The following CACNA1I variants were observed in gnomAD, a reference collection of about 807,000 sequenced individuals.
The protein encoded by CACNA1I is calcium voltage-gated channel subunit alpha1 I, also known as voltage-dependent T-type calcium channel subunit alpha-1I.
CACNA1I carries 74 observed loss-of-function variants against 201.6 expected under a neutral mutation model. The ratio of observed to expected loss-of-function variants is 0.37; its 90% CI spans 0.30 to 0.45. The LOEUF is 0.45. CACNA1I is among the 20% of genes least tolerant of loss of function. The pLI, the probability that CACNA1I is intolerant of heterozygous loss-of-function variation, is 1.00. For synonymous variants in CACNA1I, 1,431 were observed against 1,345.2 expected (o/e 1.06, Z -1.40); for missense variants, 2,346 against 3,138.1 (o/e 0.75, Z 6.03).
intron 26 of CACNA1I, 68 bp downstream of exon 26, chr22:39,671,022 C>T: frequency 6.7e-7 from 1 of 1,490,140 alleles, no homozygotes; most frequent in Admixed American, 1.8e-5. Context: ...GGACCCCACC[C>T]CAGGGATAGG....
intron 4 of CACNA1I, among the ~76,000 whole-genome samples, chr22:39,633,063 G>A (rs1416426449): frequency 6.6e-6 from 1 of 151,926 alleles, no homozygotes; most frequent in Non-Finnish European, 1.5e-5. Context: ...TCATTAATAA[G>A]CACCTCAGGC....
In CACNA1I at chr22:39,685,157, G is replaced by GT. The variant is rs1326272204; in HGVS notation, c.6028-601dup. On this transcript the variant is annotated intron_variant, in intron 36 of 36. Coordinates refer to ENST00000402142, the MANE Select transcript of CACNA1I (RefSeq NM_021096.4). The surrounding 1 kb of genome is among the most constrained non-coding windows in gnomAD (Gnocchi z 5.0). The stretch of plus-strand genomic sequence containing the variant: ...AAACTCCCTGCCTGCCGGGCTCACT[G>GT]TTTAGTGCTGAGAGTGAGCTGCCTG... 1 of 163,182 alleles carries GT rather than the reference G, an allele frequency of 6.1e-6. No individual in the cohort carries two copies. The highest frequency in any genetic ancestry group is 1.3e-5 in the Non-Finnish European group (1 of 75,072). The allele number at this position is 163,182 out of a possible 1,614,324, so 10.1% of individuals were successfully genotyped here. A position where few individuals can be genotyped will look rare whatever the true frequency, so the allele number is the denominator to read the frequency against.
chr22:39,587,647 G>A (rs1932770827), intron 1 of CACNA1I: 1 of 408,072 alleles, frequency 2.5e-6, no homozygotes, highest in South Asian at 1.8e-5. Flanking sequence ...CACTGACTGT[G>A]TCCTTGGGCA....
chr22:39,658,272 A>C lies in CACNA1I; in HGVS notation c.2113A>C (p.Asn705His). 1 of 1,613,832 alleles carries C rather than the reference A, an allele frequency of 6.2e-7. No homozygotes were observed. Among genetic ancestry groups the C allele is most frequent in the Non-Finnish European group, 8.5e-7 (1 of 1,179,838 alleles). Residue 705 changes from asparagine (N) to histidine (H), a missense_variant, in exon 11 of 37, where the codon AAC becomes CAC. Physicochemically the swap from Asn to His is moderately conservative, Grantham distance 68. Coordinates refer to ENST00000402142, the MANE Select transcript of CACNA1I (RefSeq NM_021096.4). ...CTTCGACTACCTGCGTAACCCCTAC[A>C]ACATCTTCGACAGCATCATTGTCAT... Reference protein sequence around the residue: ...GLFDYLRNPYNIFDSIIVIIS... With the variant: ...GLFDYLRNPYHIFDSIIVIIS...
rs1056914939 is a variant in CACNA1I at position 39,666,588 on chromosome 22, G to A, written c.4104+582G>A. Among the ~76,000 whole-genome samples the A allele has an allele frequency of 2.6e-5, 4 of 152,116 alleles. No homozygotes were observed. Among genetic ancestry groups the A allele is most frequent in the African/African-American group, 9.7e-5 (4 of 41,436 alleles). ...TGTGACCCATCTGGGCAGTGCCCCA[G>A]GTGAGGGCCCTTGGCTGGCTGCCTC... On this transcript the variant is annotated intron_variant, in intron 23 of 36. Transcript: ENST00000402142. This position sits in a 1 kb window ranked among gnomAD's most constrained non-coding sequence, Gnocchi z 4.1.
intron 4 of CACNA1I, among the ~76,000 whole-genome samples, chr22:39,623,078 G>A (rs368638487): frequency 2.0e-5 from 3 of 152,230 alleles, no homozygotes; most frequent in Non-Finnish European, 4.4e-5. Flanking sequence ...TGATGGGACC[G>A]CTGAGGCTGC....
chr22:39,596,940 G>A (rs1261366926), intron 1 of CACNA1I, among the ~76,000 whole-genome samples: 1 of 152,148 alleles, frequency 6.6e-6, no homozygotes, highest in Non-Finnish European at 1.5e-5. Flanking sequence ...GGGGAGGAAA[G>A]GGGGTTGCAT....
intron 11 of CACNA1I, 35 bp from the exon 12 acceptor site, chr22:39,658,896 T>C (rs779471593): frequency 1.3e-6 from 2 of 1,551,732 alleles, no homozygotes; most frequent in African/African-American, 2.7e-5. Flanking sequence ...TGCTGCCTCC[T>C]ACCTGTACCC....
At chr22:39,671,190 G>C (rs1322209017) in intron 26 of CACNA1I, among the ~76,000 whole-genome samples, 1 of 152,200 alleles carries the variant, frequency 6.6e-6, no homozygotes, top group Admixed American at 6.5e-5. Flanking sequence ...CAGGGAGGCA[G>C]GATTTGGACC....
intron 7 of CACNA1I, 62 bp from the exon 8 acceptor site, chr22:39,646,507 C>A: frequency 6.7e-7 from 1 of 1,485,102 alleles, no homozygotes; most frequent in Admixed American, 2.2e-5. Flanking sequence ...CTCTGCCTCT[C>A]TCACCCTTCT....
intron 15 of CACNA1I, 101 bp downstream of exon 15, chr22:39,660,538 C>T: frequency 4.4e-6 from 3 of 685,994 alleles, no homozygotes; most frequent in South Asian, 2.1e-5. Context: ...AGCCCAGGCT[C>T]AGGGACTGCT....
chr22:39,647,058 A>G (rs562660379), intron 8 of CACNA1I, among the ~76,000 whole-genome samples, 177 bp downstream of exon 8: 2 of 152,274 alleles, frequency 1.3e-5, no homozygotes. Flanking sequence ...CTCTCCTGGC[A>G]CCTGTCAGAG....
At chr22:39,627,755 A>C (rs542893281) in intron 4 of CACNA1I, among the ~76,000 whole-genome samples, 11 of 152,298 alleles carry the variant, frequency 7.2e-5, no homozygotes, top group Non-Finnish European at 1.2e-4. Context: ...GTCAGCCCCC[A>C]CCAGGCCACA....
At chr22:39,633,191 A>G (rs941731134) in intron 4 of CACNA1I, among the ~76,000 whole-genome samples, 2 of 151,928 alleles carry the variant, frequency 1.3e-5, no homozygotes, top group Non-Finnish European at 2.9e-5. Context: ...TCATTCATTC[A>G]TGAGTAGTCA....
At position 39,647,856 on chromosome 22, in the gene CACNA1I, A is replaced by G; in HGVS notation, c.1497A>G (p.Arg499=). ...CTAAGGGTCAGGGAGATGAAGGGAG[A>G]CATCTCGGAAGCCGGCATTGCCAGA... is the stretch of plus-strand genomic sequence containing the variant. ...GKTKGQGDEG[R]HLGSRHCQTL... The change falls in exon 9 of 37, where the codon AGA becomes AGG. Residue 499 remains arginine, a synonymous_variant. Coordinates refer to ENST00000402142, the MANE Select transcript of CACNA1I (RefSeq NM_021096.4). The G allele has an allele frequency of 3.1e-6, 5 of 1,612,084 alleles. No homozygotes were observed. The highest frequency in any genetic ancestry group is 4.2e-6 in the Non-Finnish European group (5 of 1,178,460).
chr22:39,616,980 G>A (rs1046259680), intron 3 of CACNA1I, among the ~76,000 whole-genome samples: 1 of 151,966 alleles, frequency 6.6e-6, no homozygotes, highest in Non-Finnish European at 1.5e-5. Flanking sequence ...GACCAGCAGG[G>A]GGTTGTCCCA....
chr22:39,680,391 G>C (rs1935667820), intron 33 of CACNA1I, among the ~76,000 whole-genome samples: 1 of 152,140 alleles, frequency 6.6e-6, no homozygotes, highest in Non-Finnish European at 1.5e-5. Context: ...TCTCCCTGGG[G>C]TGTTCCAGCC....
chr22:39,669,668 A>G (rs543953723), intron 24 of CACNA1I, among the ~76,000 whole-genome samples: 2 of 149,798 alleles, frequency 1.3e-5, no homozygotes, highest in East Asian at 2.0e-4. Context: ...GAGTGGATGG[A>G]TGGGTGGGTG....
chr22:39,595,388 C>G (rs982329412), intron 1 of CACNA1I, among the ~76,000 whole-genome samples: 4 of 152,094 alleles, frequency 2.6e-5, no homozygotes, highest in African/African-American at 9.7e-5. Context: ...CTTTGGGAGG[C>G]CGAGGCGGGT....
Sources: gnomAD v4.1 joint callset for allele counts (sites outside exome capture counted in the v4.1 genomes callset) on GRCh38, gnomAD v4.1.1 for gene constraint, Gnocchi (gnomAD v3.1) non-coding constraint, MANE v1.5 for transcripts, NCBI Gene and HGNC (gene_info 2026-07-23, HGNC 2026-07-21) for gene names.